IMPG2: variants seen among roughly 807,000 people sequenced by gnomAD.
IMPG2 encodes the protein interphotoreceptor matrix proteoglycan 2.
IMPG2 carries 91 observed loss-of-function variants against 129.2 expected under a neutral mutation model. The ratio of observed to expected loss-of-function variants is 0.70; its 90% CI spans 0.59 to 0.84. The LOEUF (loss-of-function observed/expected upper bound fraction) is 0.84. Among genes scored for constraint, IMPG2 ranks in the 40% least tolerant of loss-of-function variants. The pLI is 0.00. For synonymous variants in IMPG2, 510 were observed against 517.7 expected (o/e 0.99, Z 0.20); for missense variants, 1,430 against 1,461.7 (o/e 0.98, Z 0.35).
At chr3:101,312,909 C>T (rs377423527) in intron 2 of IMPG2, among the ~76,000 whole-genome samples, 6 of 151,800 alleles carry the variant, frequency 4.0e-5, no homozygotes, top group African/African-American at 1.5e-4. Context: ...AGTAGATTAG[C>T]GTTTACTTAG....
At chr3:101,301,539 T>C (rs1265869062) in intron 3 of IMPG2, among the ~76,000 whole-genome samples, 1 of 152,232 alleles carries the variant, frequency 6.6e-6, no homozygotes, top group Non-Finnish European at 1.5e-5. Context: ...AATTCACATT[T>C]CACACAGGTG....
intron 2 of IMPG2, among the ~76,000 whole-genome samples, chr3:101,308,147 G>C (rs1256962514): frequency 1.3e-5 from 2 of 152,210 alleles, no homozygotes; most frequent in Admixed American, 6.5e-5. Flanking sequence ...TGCCTTCACA[G>C]TGTGGCATTG....
Position 101,229,597 on chromosome 3 carries a change from GAA to G in IMPG2, c.3423-9_3423-8del. 1.2e-6 allele frequency: 2 copies of G among 1,611,374 alleles called. No individual in the cohort carries two copies. The stretch of plus-strand genomic sequence containing the variant: ...AGGCTGCCTGCTGGAGCCACTAAAA[GAA>G]AGATATGATGGATTCAGGCTCTTGT... On this transcript the variant is annotated splice_region_variant and splice_polypyrimidine_tract_variant and intron_variant, in intron 16 of 18. Coordinates refer to ENST00000193391, the MANE Select transcript of IMPG2 (RefSeq NM_016247.4).
At chr3:101,240,141 A>C (rs934862076) in intron 14 of IMPG2, among the ~76,000 whole-genome samples, 1 of 151,650 alleles carries the variant, frequency 6.6e-6, no homozygotes, top group African/African-American at 2.4e-5. Flanking sequence ...TTTTAGAGAC[A>C]GGTTCTCACT....
At chr3:101,313,866 A>G (rs2058769206) in intron 2 of IMPG2, among the ~76,000 whole-genome samples, 1 of 152,142 alleles carries the variant, frequency 6.6e-6, no homozygotes, top group Non-Finnish European at 1.5e-5. Context: ...AAGCTACTAG[A>G]ACTGGTAAGT....
intron 14 of IMPG2, among the ~76,000 whole-genome samples, chr3:101,236,818 GT>G (rs1481396644): frequency 6.6e-6 from 1 of 152,144 alleles, no homozygotes; most frequent in East Asian, 1.9e-4. Flanking sequence ...GTTTGTTTTT[GT>G]TTTTGTTTTT....
At chr3:101,313,769 T>C (rs1223806483) in intron 2 of IMPG2, among the ~76,000 whole-genome samples, 1 of 152,062 alleles carries the variant, frequency 6.6e-6, no homozygotes, top group African/African-American at 2.4e-5. Flanking sequence ...AAAAGAAATA[T>C]AAGGCATAGA....
In IMPG2 at chr3:101,229,560, T is replaced by C. The variant is rs767843952; in HGVS notation, c.3453A>G (p.Ser1151=). ...TGTACTTCACAGCATTCTCAATAGA[T>C]GAGAGGCTGTCAGGCTGCCTGCTGG... ...SGSSRQPDSL[S]SIENAVKYNP... is the part of the protein sequence containing the mutation. The change falls in exon 17 of 19, where the codon TCA becomes TCG. Residue 1151 remains serine, a synonymous_variant. Coordinates refer to ENST00000193391, the MANE Select transcript of IMPG2 (RefSeq NM_016247.4). 3.1e-6 allele frequency: 5 copies of C among 1,613,898 alleles called. No individual in the cohort carries two copies. The Admixed American group carries it at 6.7e-5, about 22-fold the overall frequency.
chr3:101,268,620 C>CATT (rs1706746521), intron 8 of IMPG2, among the ~76,000 whole-genome samples: 1 of 149,698 alleles, frequency 6.7e-6, no homozygotes, highest in Admixed American at 6.7e-5. Context: ...TGTAAATATA[C>CATT]ATATATATAT....
At chr3:101,294,083 ATTTACT>A (rs1707051542) in intron 3 of IMPG2, among the ~76,000 whole-genome samples, 2 of 151,960 alleles carry the variant, frequency 1.3e-5, no homozygotes, top group South Asian at 4.1e-4. Flanking sequence ...TTATTTATTT[ATTTACT>A]TTTACTTTAA....
intron 8 of IMPG2, 132 bp from the exon 9 acceptor site, chr3:101,267,663 A>G (rs1377093475): frequency 5.3e-6 from 4 of 758,124 alleles, no homozygotes; most frequent in Non-Finnish European, 9.0e-6. Flanking sequence ...AAAAATGCTG[A>G]CAAATTCCTA....
At chr3:101,270,876 G>A (rs569303088) in intron 7 of IMPG2, among the ~76,000 whole-genome samples, 8 of 152,276 alleles carry the variant, frequency 5.3e-5, no homozygotes, top group African/African-American at 1.9e-4. Context: ...TTCAGAAGGT[G>A]ACAGCCTCAC....
At position 101,257,619 on chromosome 3, in the gene IMPG2, T is replaced by C; in HGVS notation, c.1063A>G (p.Arg355Gly). The C allele has an allele frequency of 1.9e-6, 3 of 1,613,382 alleles. No individual in the cohort carries two copies. Among genetic ancestry groups the C allele is most frequent in the Non-Finnish European group, 1.7e-6 (2 of 1,179,546 alleles). The change falls in exon 10 of 19, where the codon AGA becomes GGA. Residue 355 changes from arginine (R) to glycine (G), a missense_variant. By Grantham distance (125) the Arg-to-Gly change is moderately radical. Coordinates refer to ENST00000193391, the MANE Select transcript of IMPG2 (RefSeq NM_016247.4). ...PTVVYTISNF[R>G]DYIAETLQQN... is the part of the protein sequence containing the mutation. ...TGCAATGTCTCAGCAATATAATCTC[T>C]GAAGTTACTGATTGTATAAACAACA...
chr3:101,315,551 C>T (rs143737513), intron 2 of IMPG2, among the ~76,000 whole-genome samples: 220 of 152,144 alleles, frequency 1.4e-3, no homozygotes, highest in African/African-American at 4.8e-3. Context: ...AAGGTGTATA[C>T]GAAACATAAC....
At chr3:101,251,657 G>T (rs60721901) in intron 11 of IMPG2, among the ~76,000 whole-genome samples, 4,040 of 152,186 alleles carry the variant, frequency 0.027, 178 homozygotes, top group African/African-American at 0.092. Context: ...AAGTCAGGGT[G>T]CCAGAAAAGT....
chr3:101,289,511 T>C (rs1316802973), intron 4 of IMPG2, among the ~76,000 whole-genome samples: 1 of 152,122 alleles, frequency 6.6e-6, no homozygotes, highest in East Asian at 1.9e-4. Flanking sequence ...CTATTACATG[T>C]TTGATAATGT....
intron 4 of IMPG2, among the ~76,000 whole-genome samples, chr3:101,283,084 G>A (rs867915226): frequency 1.1e-4 from 16 of 152,080 alleles, no homozygotes; most frequent in African/African-American, 2.7e-4. Context: ...GTGCAGTGGC[G>A]CAATCTCGGC....
intron 3 of IMPG2, among the ~76,000 whole-genome samples, chr3:101,302,479 A>C (rs1366132807): frequency 6.6e-6 from 1 of 152,236 alleles, no homozygotes; most frequent in Non-Finnish European, 1.5e-5. Flanking sequence ...TTGAGAAAGG[A>C]GGCCCAATGG....
At chr3:101,315,180 G>A (rs1188141424) in intron 2 of IMPG2, among the ~76,000 whole-genome samples, 2 of 152,264 alleles carry the variant, frequency 1.3e-5, no homozygotes, top group Admixed American at 1.3e-4. Context: ...CAGAATTGTA[G>A]AAAGAAACTA....
Sources: allele counts gnomAD v4.1 joint callset (sites outside exome capture counted in the v4.1 genomes callset), GRCh38; gene constraint gnomAD v4.1.1; transcripts MANE v1.5; gene names NCBI Gene and HGNC (gene_info 2026-07-23, HGNC 2026-07-21).